DNAJB2: variants seen among roughly 807,000 people sequenced by gnomAD.
The protein encoded by DNAJB2 is dnaJ homolog subfamily B member 2.
Under a neutral mutation model 33.3 loss-of-function variants are expected in DNAJB2, and 19 were observed. The observed-to-expected ratio is 0.57, with a 90% confidence interval of 0.40 to 0.84. DNAJB2 has a LOEUF of 0.84. Ranked by LOEUF, DNAJB2 falls within the 40% of genes least tolerant of loss-of-function variation. DNAJB2 has a pLI of 0.00. For synonymous variants in DNAJB2, 172 were observed against 164.6 expected (o/e 1.04, Z -0.34); for missense variants, 368 against 430.9 (o/e 0.85, Z 1.29).
Position 219,285,928 on chromosome 2 carries a change from T to C in DNAJB2, c.*941T>C, listed in dbSNP as rs1951951305. 6.2e-7 allele frequency: 1 copy of C among 1,604,216 alleles called. No individual in the cohort carries two copies. The highest frequency in any genetic ancestry group is 8.5e-7 in the Non-Finnish European group (1 of 1,177,386). ...GCCCAGGTCTGCATGCTGAGCCCCA[T>C]CCTCCACAGCTTGCCGCTGACGCTC... On this transcript the variant is annotated 3_prime_UTR_variant, in exon 9 of 9. Transcript: ENST00000336576.
chr2:219,282,361 A>G lies in DNAJB2; in HGVS notation c.352+300A>G, dbSNP rs1574900603. The G allele has an allele frequency of 3.7e-5, 17 of 462,018 alleles. No individual in the cohort carries two copies. The East Asian group carries it at 5.6e-4, about 15-fold the overall frequency. The allele number at this position is 462,018 out of a possible 1,614,324, so 28.6% of individuals were successfully genotyped here. On this transcript the variant is annotated intron_variant, in intron 5 of 8. Coordinates refer to ENST00000336576, the MANE Select transcript of DNAJB2 (RefSeq NM_006736.6). The stretch of plus-strand genomic sequence containing the variant: ...CAAAGCATCTTGTGACAATATTGTT[A>G]TTATTACCTATAAAACAGATAGTGG...
chr2:219,286,086 C>G lies in DNAJB2; in HGVS notation c.*1099C>G, dbSNP rs761047164. ...TGGGAGGGGACCCTCCATTTCTCCC[C>G]CTCACCCATGCTGAGTGTAGAGCCG... On this transcript the variant is annotated 3_prime_UTR_variant, in exon 9 of 9. Transcript: ENST00000336576. The G allele has an allele frequency of 3.8e-6, 6 of 1,558,532 alleles. No individual in the cohort carries two copies. In the African/African-American group the frequency reaches 8.1e-5, roughly 21 times the overall value.
At chr2:219,280,370 A>G (rs1049024845) in intron 2 of DNAJB2, among the ~76,000 whole-genome samples, 2 of 152,194 alleles carry the variant, frequency 1.3e-5, no homozygotes, top group Non-Finnish European at 2.9e-5. Flanking sequence ...ATCCGCTTGT[A>G]CATGTGGTCC....
chr2:219,280,818 C>T lies in DNAJB2; in HGVS notation c.175+131C>T, dbSNP rs867785117. On this transcript the variant is annotated intron_variant, in intron 3 of 8. Coordinates refer to ENST00000336576, the MANE Select transcript of DNAJB2 (RefSeq NM_006736.6). Reference sequence around the variant, plus strand: ...TTTTCCAGCCTGACATTTAAGCTCCCCCCTCCCACAGGGACAGCTCAGTGT... The same window carrying T: ...TTTTCCAGCCTGACATTTAAGCTCCTCCCTCCCACAGGGACAGCTCAGTGT... 16 of 685,722 alleles carry T rather than the reference C, an allele frequency of 2.3e-5. No individual in the cohort carries two copies. The South Asian group carries it at 2.6e-4, about 11-fold the overall frequency. The allele number at this position is 685,722 out of a possible 1,614,324, so 42.5% of individuals were successfully genotyped here.
intron 8 of DNAJB2, among the ~76,000 whole-genome samples, 153 bp from the exon 9 acceptor site, chr2:219,284,479 T>C (rs1429075107): frequency 6.6e-6 from 1 of 152,210 alleles, no homozygotes; most frequent in Non-Finnish European, 1.5e-5. Flanking sequence ...AATACTTCCT[T>C]GTGCTCAAAA....
At chr2:219,284,577 G>A (rs1951936436) in intron 8 of DNAJB2, 55 bp from the exon 9 acceptor site, 1 of 1,529,002 alleles carries the variant, frequency 6.5e-7, no homozygotes, top group South Asian at 1.3e-5. Flanking sequence ...GAGGCAGCCT[G>A]GCAGTAATAC....
At position 219,279,935 on chromosome 2, in the gene DNAJB2, C is replaced by T; in HGVS notation, c.65+37C>T. On this transcript the variant is annotated intron_variant, in intron 2 of 8. Coordinates refer to ENST00000336576, the MANE Select transcript of DNAJB2 (RefSeq NM_006736.6). The surrounding 1 kb of genome is among the most constrained non-coding windows in gnomAD (Gnocchi z 4.9). ...CGTATGCAACAGAAGACCTCTCACC[C>T]TCCACCCGCCACCACCATGGGGCAC... The T allele has an allele frequency of 6.2e-7, 1 of 1,609,728 alleles. No individual in the cohort carries two copies. Among genetic ancestry groups the T allele is most frequent in the Non-Finnish European group, 8.5e-7 (1 of 1,177,370 alleles).
chr2:219,285,725 C>T lies in DNAJB2; in HGVS notation c.*738C>T. The T allele has an allele frequency of 7.9e-7, 1 of 1,259,754 alleles. No homozygotes were observed. The highest frequency in any genetic ancestry group is 3.1e-5 in the East Asian group (1 of 32,426). The allele number at this position is 1,259,754 out of a possible 1,614,324, so 78.0% of individuals were successfully genotyped here. On this transcript the variant is annotated 3_prime_UTR_variant, in exon 9 of 9. Coordinates refer to ENST00000336576, the MANE Select transcript of DNAJB2 (RefSeq NM_006736.6). ...TCCAGATTCAGAACTGGAGCCCACT[C>T]CTCCTCCCTCTCGTTGCCTCAGCCT...
At position 219,282,305 on chromosome 2, in the gene DNAJB2, C is replaced by T. The variant is rs866551379; in HGVS notation, c.352+244C>T. 8.8e-6 allele frequency: 5 copies of T among 565,120 alleles called. No homozygotes were observed. In the Middle Eastern group the frequency reaches 8.0e-4, roughly 90 times the overall value. 35.0% of individuals were successfully genotyped at this position (565,120 alleles called of 1,614,324 possible). On this transcript the variant is annotated intron_variant, in intron 5 of 8. Coordinates refer to ENST00000336576, the MANE Select transcript of DNAJB2 (RefSeq NM_006736.6). ...ATTACAACAATAATACATTGTTAGA[C>T]TTCTATAGTAACAGCCATGAAAGCA...
intron 5 of DNAJB2, chr2:219,282,296 A>T: frequency 1.7e-6 from 1 of 585,480 alleles, no homozygotes; most frequent in Non-Finnish European, 3.0e-6. Context: ...ACAATAATAC[A>T]TTGTTAGACT....
chr2:219,281,484 C>T, intron 3 of DNAJB2: 3 of 579,360 alleles, frequency 5.2e-6, no homozygotes, highest in South Asian at 2.1e-5. Flanking sequence ...GTGCAACAAC[C>T]CTGTGCGGTA....
Position 219,282,824 on chromosome 2 carries a change from T to G in DNAJB2, c.353-13T>G, listed in dbSNP as rs1951917510. 5 of 1,562,680 alleles carry G rather than the reference T, an allele frequency of 3.2e-6. No individual in the cohort carries two copies. Among genetic ancestry groups the G allele is most frequent in the Non-Finnish European group, 4.3e-6 (5 of 1,160,282 alleles). The stretch of plus-strand genomic sequence containing the variant: ...CATTACCAGATGACTGCTAATCTGT[T>G]TACTTGTTGCAGATGACCTGGGCCC... On this transcript the variant is annotated splice_polypyrimidine_tract_variant and intron_variant, in intron 5 of 8. Transcript: ENST00000336576.
chr2:219,281,887 C>CT, intron 4 of DNAJB2, 52 bp from the exon 5 acceptor site: 1 of 1,610,480 alleles, frequency 6.2e-7, no homozygotes, highest in East Asian at 2.2e-5. Flanking sequence ...TGAGGTCCCC[C>CT]GCTCAGGGCA....
At chr2:219,280,503 C>A in intron 2 of DNAJB2, 75 bp from the exon 3 acceptor site, 2 of 1,198,530 alleles carry the variant, frequency 1.7e-6, no homozygotes, top group South Asian at 1.3e-5. Context: ...AATGGGAAAA[C>A]AGGTCGTTCG....
At position 219,285,809 on chromosome 2, in the gene DNAJB2, G is replaced by A; in HGVS notation, c.*822G>A. 1.4e-6 allele frequency: 2 copies of A among 1,402,314 alleles called. No homozygotes were observed. The highest frequency in any genetic ancestry group is 1.9e-6 in the Non-Finnish European group (2 of 1,073,882). The allele number at this position is 1,402,314 out of a possible 1,614,324, so 86.9% of individuals were successfully genotyped here. On this transcript the variant is annotated 3_prime_UTR_variant, in exon 9 of 9. Transcript: ENST00000336576. Reference sequence around the variant, plus strand: ...TGGCTCACCCTGAAGAGGTGGGATAGGACCGGGGGACCCCAGAGGGAGGCC... The same window carrying A: ...TGGCTCACCCTGAAGAGGTGGGATAAGACCGGGGGACCCCAGAGGGAGGCC...
Position 219,286,082 on chromosome 2 carries a change from TC to T in DNAJB2, c.*1100del. 9.5e-7 allele frequency: 1 copy of T among 1,054,576 alleles called. No homozygotes were observed. Among genetic ancestry groups the T allele is most frequent in the Non-Finnish European group, 1.2e-6 (1 of 850,468 alleles). The allele number at this position is 1,054,576 out of a possible 1,614,324, so 65.3% of individuals were successfully genotyped here. ...GCGCTGGGAGGGGACCCTCCATTTC[TC>T]CCCCTCACCCATGCTGAGTGTAGAG... is the stretch of plus-strand genomic sequence containing the variant. On this transcript the variant is annotated 3_prime_UTR_variant, in exon 9 of 9. Transcript: ENST00000336576.
At position 219,279,650 on chromosome 2, in the gene DNAJB2, C is replaced by A; in HGVS notation, c.-37+132C>A. The A allele has an allele frequency of 1.6e-6, 1 of 625,466 alleles. No individual in the cohort carries two copies. Among genetic ancestry groups the A allele is most frequent in the Non-Finnish European group, 2.8e-6 (1 of 362,612 alleles). The allele number at this position is 625,466 out of a possible 1,614,324, so 38.7% of individuals were successfully genotyped here. A position where few individuals can be genotyped will look rare whatever the true frequency, so the allele number is the denominator to read the frequency against. Reference sequence around the variant, plus strand: ...CGGCCTGCGGGGGCAGATAAGGCTGCCGGAGGGAGCCTAGTCACCGGCCGC... The same window carrying A: ...CGGCCTGCGGGGGCAGATAAGGCTGACGGAGGGAGCCTAGTCACCGGCCGC... On this transcript the variant is annotated intron_variant, in intron 1 of 8. Transcript: ENST00000336576. This position sits in a 1 kb window ranked among gnomAD's most constrained non-coding sequence, Gnocchi z 4.9.
intron 8 of DNAJB2, 53 bp downstream of exon 8, chr2:219,283,542 T>G: frequency 1.9e-6 from 3 of 1,552,246 alleles, no homozygotes; most frequent in Non-Finnish European, 2.6e-6. Context: ...AGCCCCAACC[T>G]CAGCAGCCTC....
intron 8 of DNAJB2, 25 bp downstream of exon 8, chr2:219,283,514 C>A (rs368989666): frequency 1.2e-5 from 19 of 1,605,570 alleles, no homozygotes; most frequent in Middle Eastern, 1.7e-4. Context: ...CCCTACCCAG[C>A]CCCTGGCAGG....
Sources: allele counts gnomAD v4.1 joint callset (sites outside exome capture counted in the v4.1 genomes callset), GRCh38; gene constraint gnomAD v4.1.1; non-coding constraint Gnocchi (gnomAD v3.1); transcripts MANE v1.5; gene names NCBI Gene and HGNC (gene_info 2026-07-23, HGNC 2026-07-21).